Variants in AGAP3 observed in about 807,000 individuals in gnomAD.
The protein encoded by AGAP3 is ArfGAP with GTPase domain, ankyrin repeat and PH domain 3.
In AGAP3, 24 loss-of-function variants were observed where a neutral mutation model predicts 96.9. The ratio of observed to expected loss-of-function variants is 0.25; its 90% CI spans 0.18 to 0.35. The LOEUF (loss-of-function observed/expected upper bound fraction) is 0.35. AGAP3 is among the 10% of genes least tolerant of loss of function. The pLI, the probability that AGAP3 is intolerant of heterozygous loss-of-function variation, is 1.00. For missense variants in AGAP3, 876 were observed against 1,254.2 expected, an observed-to-expected ratio of 0.70 and a Z score of 4.55; for synonymous variants, 563 against 536.1, an observed-to-expected ratio of 1.05 and a Z score of -0.69.
chr7:151,123,064 G>A (rs1203228639), intron 8 of AGAP3: 2 of 1,264,168 alleles, frequency 1.6e-6, no homozygotes, highest in Non-Finnish European at 2.0e-6. Flanking sequence ...TGGCCAGCGC[G>A]ACGAGGCCCA....
intron 1 of AGAP3, among the ~76,000 whole-genome samples, chr7:151,103,375 C>G (rs1344011771): frequency 6.6e-6 from 1 of 152,216 alleles, no homozygotes; most frequent in Admixed American, 6.5e-5. Flanking sequence ...GTTGTCTAAT[C>G]TTGGGATGAG....
intron 5 of AGAP3, chr7:151,117,984 T>C: frequency 1.1e-6 from 1 of 888,020 alleles, no homozygotes; most frequent in Non-Finnish European, 1.7e-6. Context: ...AGCAGGTCTG[T>C]GTTTTTTTAG....
intron 1 of AGAP3, among the ~76,000 whole-genome samples, chr7:151,088,037 G>T (rs1741291948): frequency 6.6e-6 from 1 of 152,238 alleles, no homozygotes; most frequent in Non-Finnish European, 1.5e-5. Context: ...TGGTGGGTTT[G>T]GCCTCAGTGG....
chr7:151,119,465 G>A (rs1799760813), intron 7 of AGAP3, among the ~76,000 whole-genome samples: 1 of 152,192 alleles, frequency 6.6e-6, no homozygotes, highest in African/African-American at 2.4e-5. Flanking sequence ...TCATAGCTCT[G>A]TTCTCTCTGC....
At chr7:151,131,469 G>C (rs578018431) in intron 10 of AGAP3, among the ~76,000 whole-genome samples, 1 of 152,292 alleles carries the variant, frequency 6.6e-6, no homozygotes, top group East Asian at 1.9e-4. Context: ...GGCAGCCGTG[G>C]TGACCGCTCT....
Position 151,141,529 on chromosome 7 carries a change from T to G in AGAP3, c.1805-369T>G. 3.9e-6 allele frequency: 1 copy of G among 255,394 alleles called. No individual in the cohort carries two copies. The highest frequency in any genetic ancestry group is 7.7e-6 in the Non-Finnish European group (1 of 130,576). 15.8% of individuals were successfully genotyped at this position (255,394 alleles called of 1,614,324 possible). A position where few individuals can be genotyped will look rare whatever the true frequency, so the allele number is the denominator to read the frequency against. ...CCCGCCTTCCCCCACCCTCTCCCAG[T>G]GTTTGCCTCCTAGCACCCCGTCACA... On this transcript the variant is annotated intron_variant, in intron 13 of 17. Transcript: ENST00000397238. The surrounding 1 kb of genome is among the most constrained non-coding windows in gnomAD (Gnocchi z 4.2).
At chr7:151,106,767 A>G (rs1269712761) in intron 1 of AGAP3, among the ~76,000 whole-genome samples, 1 of 152,138 alleles carries the variant, frequency 6.6e-6, no homozygotes, top group African/African-American at 2.4e-5. Flanking sequence ...TGCTGAGGTT[A>G]TAGGAGTGAG....
intron 1 of AGAP3, among the ~76,000 whole-genome samples, chr7:151,088,091 T>C (rs972057676): frequency 2.0e-5 from 3 of 152,242 alleles, no homozygotes; most frequent in Non-Finnish European, 4.4e-5. Context: ...CATGGAGTTA[T>C]GGGCAGGGGC....
In AGAP3 at chr7:151,096,925, C is replaced by T. The variant is rs1436353055; in HGVS notation, c.331+9853C>T. ...TCCCAAGGCACATGCCTTGGGATTA[C>T]AGGCACATGCCACCATGTCTGGCTA... On this transcript the variant is annotated intron_variant, in intron 1 of 17. Coordinates refer to ENST00000397238, the MANE Select transcript of AGAP3 (RefSeq NM_031946.7). The surrounding 1 kb of genome is among the most constrained non-coding windows in gnomAD (Gnocchi z 4.4). Among the ~76,000 whole-genome samples, 2 of 152,046 alleles carry T rather than the reference C, an allele frequency of 1.3e-5. No individual in the cohort carries two copies. Among genetic ancestry groups the T allele is most frequent in the Non-Finnish European group, 2.9e-5 (2 of 68,004 alleles).
chr7:151,137,883 G>A, intron 11 of AGAP3: 1 of 508,218 alleles, frequency 2.0e-6, no homozygotes. Flanking sequence ...CTCTGATGCA[G>A]AGACCCCCCG....
At chr7:151,104,008 G>GT (rs1798937953) in intron 1 of AGAP3, among the ~76,000 whole-genome samples, 2 of 152,136 alleles carry the variant, frequency 1.3e-5, no homozygotes. Context: ...GCCGTGGCGG[G>GT]GGCGTGAGGA....
chr7:151,099,991 A>G (rs777402471), intron 1 of AGAP3, among the ~76,000 whole-genome samples: 1 of 152,188 alleles, frequency 6.6e-6, no homozygotes, highest in Non-Finnish European at 1.5e-5. Flanking sequence ...TGAGGTGCTC[A>G]TGGACTGTGC....
rs371095138 is a variant in AGAP3 at position 151,142,100 on chromosome 7, G to A, written c.1959+48G>A. 9.3e-6 allele frequency: 15 copies of A among 1,607,492 alleles called. No homozygotes were observed. Among genetic ancestry groups the A allele is most frequent in the Non-Finnish European group, 5.1e-6 (6 of 1,175,426 alleles). ...CACACAGAGCACCTGGCTGGGGTGG[G>A]ACTGAAAGGGGCCTCATGACTGACC... On this transcript the variant is annotated intron_variant, in intron 14 of 17. Coordinates refer to ENST00000397238, the MANE Select transcript of AGAP3 (RefSeq NM_031946.7). This position sits in a 1 kb window ranked among gnomAD's most constrained non-coding sequence, Gnocchi z 7.5.
At chr7:151,123,122 GC>G in intron 8 of AGAP3, 1 of 1,116,410 alleles carries the variant, frequency 9.0e-7, no homozygotes, top group Non-Finnish European at 1.1e-6. Context: ...CTCCTGGGGG[GC>G]GCTTTCCTGC....
At chr7:151,130,980 T>G (rs1800381001) in intron 10 of AGAP3, 1 of 152,314 alleles carries the variant, frequency 6.6e-6, no homozygotes, top group African/African-American at 2.4e-5. Flanking sequence ...CTTCAAACCC[T>G]AAACCCTGGC....
At chr7:151,124,787 G>A (rs1258637658) in intron 9 of AGAP3, among the ~76,000 whole-genome samples, 1 of 152,144 alleles carries the variant, frequency 6.6e-6, no homozygotes, top group African/African-American at 2.4e-5. Flanking sequence ...TAAGGCTAGG[G>A]GTTTCTGACC....
At chr7:151,110,034 T>C (rs1012326569) in intron 1 of AGAP3, among the ~76,000 whole-genome samples, 1 of 152,216 alleles carries the variant, frequency 6.6e-6, no homozygotes, top group Non-Finnish European at 1.5e-5. Context: ...CACCAATAGG[T>C]GCCAGAGGCT....
Position 151,143,472 on chromosome 7 carries a change from TG to T in AGAP3, c.2406del (p.Met803CysfsTer11). The T allele has an allele frequency of 1.9e-6, 3 of 1,614,190 alleles. No individual in the cohort carries two copies. Among genetic ancestry groups the T allele is most frequent in the Non-Finnish European group, 2.5e-6 (3 of 1,180,032 alleles). On this transcript the variant is annotated frameshift_variant, in exon 17 of 18. Coordinates refer to ENST00000397238, the MANE Select transcript of AGAP3 (RefSeq NM_031946.7). LOFTEE classifies it high-confidence loss of function. The surrounding 1 kb of genome is among the most constrained non-coding windows in gnomAD (Gnocchi z 5.9). ...AVVEDDLRLL[V>X]MLLAHGSKEE... Reference sequence around the variant, plus strand: ...GTGGAAGATGACCTGCGGCTGTTGGTGATGCTCCTGGCACATGGCTCCAAAG... The same window carrying T: ...GTGGAAGATGACCTGCGGCTGTTGGTATGCTCCTGGCACATGGCTCCAAAG...
At chr7:151,138,716 C>T (rs546806161) in intron 12 of AGAP3, among the ~76,000 whole-genome samples, 2 of 152,280 alleles carry the variant, frequency 1.3e-5, no homozygotes, top group East Asian at 1.9e-4. Context: ...GGCAGGGGGA[C>T]GGGGAAGCGG....
Sources: gnomAD v4.1 joint callset for allele counts (sites outside exome capture counted in the v4.1 genomes callset) on GRCh38, gnomAD v4.1.1 for gene constraint, Gnocchi (gnomAD v3.1) non-coding constraint, MANE v1.5 for transcripts, NCBI Gene and HGNC (gene_info 2026-07-23, HGNC 2026-07-21) for gene names.